Variants in RNLS observed in about 807,000 individuals in gnomAD.
The protein encoded by RNLS is renalase, FAD dependent amine oxidase, also known as renalase.
In RNLS, 39 loss-of-function variants were observed where a neutral mutation model predicts 39.8. The observed-to-expected ratio is 0.98, with a 90% CI of 0.76 to 1.28. RNLS has a LOEUF of 1.28. RNLS is among the 50% of genes most tolerant of loss of function. The pLI is 0.00. For synonymous variants in RNLS, 147 were observed against 150.7 expected (o/e 0.98, Z 0.18); for missense variants, 410 against 413.3 (o/e 0.99, Z 0.07).
At chr10:88,173,269 C>T in the RNLS span, among the ~76,000 whole-genome samples, 238 of 152,132 alleles carry the variant, frequency 1.6e-3, no homozygotes, top group African/African-American at 5.4e-3. Context: ...TTTCTTGGTG[C>T]CTTTGTTAAA....
intron 5 of RNLS, among the ~76,000 whole-genome samples, chr10:88,344,647 G>A (rs1399944817): frequency 3.9e-5 from 6 of 152,044 alleles, no homozygotes; most frequent in African/African-American, 1.4e-4. Flanking sequence ...AGGTTCAACT[G>A]ACCTCAAGGT....
the RNLS span, among the ~76,000 whole-genome samples, chr10:88,209,841 T>C: frequency 1.3e-5 from 2 of 152,222 alleles, no homozygotes; most frequent in East Asian, 1.9e-4. Context: ...CATTATCTCA[T>C]TGATCCTCAA....
At chr10:88,254,765 C>A in the RNLS span, among the ~76,000 whole-genome samples, 1 of 152,208 alleles carries the variant, frequency 6.6e-6, no homozygotes, top group East Asian at 1.9e-4. Context: ...GTAACCTTCT[C>A]AAGATAGTAC....
chr10:88,280,778 G>T (rs1316491246), downstream of RNLS, among the ~76,000 whole-genome samples: 1 of 152,156 alleles, frequency 6.6e-6, no homozygotes, highest in Non-Finnish European at 1.5e-5. Context: ...ATGCATAGTT[G>T]TCTTTGTTGT....
chr10:88,295,739 C>G (rs1295880295), intron 6 of RNLS, among the ~76,000 whole-genome samples: 1 of 152,146 alleles, frequency 6.6e-6, no homozygotes, highest in African/African-American at 2.4e-5. Flanking sequence ...GAATGTGCCA[C>G]AAATCAATTA....
chr10:88,423,810 G>A (rs1327687558), intron 4 of RNLS, among the ~76,000 whole-genome samples: 4 of 152,128 alleles, frequency 2.6e-5, no homozygotes, highest in African/African-American at 9.7e-5. Context: ...TTATTGCAGT[G>A]CTATCTACAG....
the RNLS span, among the ~76,000 whole-genome samples, chr10:88,268,593 G>T: frequency 6.6e-6 from 1 of 152,270 alleles, no homozygotes; most frequent in African/African-American, 2.4e-5. Context: ...GATTCCTACA[G>T]GCAGACAGGC....
At chr10:88,288,642 A>T (rs1168140336) in intron 6 of RNLS, among the ~76,000 whole-genome samples, 2 of 152,162 alleles carry the variant, frequency 1.3e-5, no homozygotes, top group Non-Finnish European at 2.9e-5. Context: ...TTAAGGAAAA[A>T]GGTTTTGCCC....
At chr10:88,267,787 G>T in the RNLS span, among the ~76,000 whole-genome samples, 1 of 152,184 alleles carries the variant, frequency 6.6e-6, no homozygotes, top group Non-Finnish European at 1.5e-5. Context: ...AAAGGAGGAA[G>T]AAGTGAGGAA....
chr10:88,249,134 T>C, the RNLS span, among the ~76,000 whole-genome samples: 1 of 152,200 alleles, frequency 6.6e-6, no homozygotes. Flanking sequence ...GCAGAAGATA[T>C]TAGGGCTGAA....
chr10:88,406,994 G>C (rs1853316816), intron 4 of RNLS, among the ~76,000 whole-genome samples: 1 of 152,074 alleles, frequency 6.6e-6, no homozygotes, highest in South Asian at 2.1e-4. Context: ...TGGGAGCTAA[G>C]CTATAAGGAC....
chr10:88,248,135 T>A, the RNLS span, among the ~76,000 whole-genome samples: 1 of 152,232 alleles, frequency 6.6e-6, no homozygotes, highest in Non-Finnish European at 1.5e-5. Context: ...TAATAAAATG[T>A]TAGCTGGTAA....
intron 6 of RNLS, among the ~76,000 whole-genome samples, chr10:88,305,714 TG>T (rs1163577291): frequency 1.3e-5 from 2 of 152,116 alleles, no homozygotes; most frequent in African/African-American, 4.8e-5. Flanking sequence ...ACTTAGACTC[TG>T]ACACAATAAT....
chr10:88,335,804 T>C (rs1054443217), intron 5 of RNLS, among the ~76,000 whole-genome samples: 2 of 152,220 alleles, frequency 1.3e-5, no homozygotes, highest in Non-Finnish European at 2.9e-5. Context: ...GCAATAAATA[T>C]AAAGAGACTT....
rs185104037 is a variant in RNLS, at chr10:88,507,096, A to G, written c.526+65807T>C. The stretch of plus-strand genomic sequence containing the variant: ...CTGATGAATCTTGACTTGCAGCCTC[A>G]GCAGTTAAATTACTGCTATGAAAAT... On this transcript the variant is annotated intron_variant, in intron 4 of 6. Coordinates refer to ENST00000331772, the MANE Select transcript of RNLS (RefSeq NM_001031709.3). Among the ~76,000 whole-genome samples, 48 of 152,316 alleles carry G rather than the reference A, an allele frequency of 3.2e-4. 2 individuals carry two copies. In the East Asian group the frequency reaches 8.9e-3, roughly 28 times the overall value.
At chr10:88,293,489 C>T (rs1261377951) in intron 6 of RNLS, among the ~76,000 whole-genome samples, 2 of 152,088 alleles carry the variant, frequency 1.3e-5, no homozygotes, top group African/African-American at 4.8e-5. Flanking sequence ...AGTAAGAATT[C>T]TGAGCTTTTT....
chr10:88,579,787 G>C (rs574516157), intron 3 of RNLS, among the ~76,000 whole-genome samples: 15 of 152,264 alleles, frequency 9.9e-5, no homozygotes, highest in African/African-American at 3.6e-4. Context: ...CTTGGCCATA[G>C]GATGCCTACA....
At chr10:88,206,192 T>C in the RNLS span, among the ~76,000 whole-genome samples, 1 of 152,220 alleles carries the variant, frequency 6.6e-6, no homozygotes, top group Non-Finnish European at 1.5e-5. Flanking sequence ...TTCTGAAGCC[T>C]CTGTGCTCCA....
At chr10:88,193,182 C>T in the RNLS span, among the ~76,000 whole-genome samples, 8 of 152,094 alleles carry the variant, frequency 5.3e-5, no homozygotes, top group Admixed American at 2.6e-4. Context: ...TCTAGAGAGC[C>T]GAGTCTGCAG....
Sources: allele counts gnomAD v4.1 joint callset (sites outside exome capture counted in the v4.1 genomes callset), GRCh38; gene constraint gnomAD v4.1.1; transcripts MANE v1.5; gene names NCBI Gene and HGNC (gene_info 2026-07-23, HGNC 2026-07-21).